CCDC170: variants seen among roughly 807,000 people sequenced by gnomAD.
CCDC170 encodes the protein coiled-coil domain containing 170, also known as coiled-coil domain-containing protein 170.
CCDC170 carries 69 observed loss-of-function variants against 72.6 expected under a neutral mutation model. That is an observed-to-expected ratio of 0.95 (90% CI 0.78 to 1.16). The LOEUF (loss-of-function observed/expected upper bound fraction) is 1.16. Ranked by LOEUF, CCDC170 falls within the 50% of genes most tolerant of loss-of-function variation. The pLI is 0.00. For synonymous variants in CCDC170, 300 were observed against 303.9 expected, an observed-to-expected ratio of 0.99 and a Z score of 0.13; for missense variants, 852 against 832.5, an observed-to-expected ratio of 1.02 and a Z score of -0.29.
At chr6:151,578,616 A>G (rs944501093) in intron 6 of CCDC170, among the ~76,000 whole-genome samples, 7 of 152,232 alleles carry the variant, frequency 4.6e-5, no homozygotes, top group Non-Finnish European at 5.9e-5. Context: ...GGGCTTCAAC[A>G]TATCTTTTTT....
At chr6:151,573,866 G>A (rs189137097) in intron 6 of CCDC170, among the ~76,000 whole-genome samples, 227 of 152,330 alleles carry the variant, frequency 1.5e-3, no homozygotes, top group Non-Finnish European at 2.8e-3. Context: ...ACGACACGTG[G>A]GGATGATGGG....
At chr6:151,593,040 GA>G in intron 7 of CCDC170, 66 bp from the exon 8 acceptor site, 1 of 1,517,058 alleles carries the variant, frequency 6.6e-7, no homozygotes, top group Non-Finnish European at 9.1e-7. Flanking sequence ...AAGAGGAAGA[GA>G]TTCTGTGAGA....
chr6:151,549,256 C>T (rs551503353), intron 5 of CCDC170, among the ~76,000 whole-genome samples: 22 of 151,812 alleles, frequency 1.4e-4, no homozygotes, highest in Non-Finnish European at 2.4e-4. Context: ...AGGCTGGTCT[C>T]GACTCCTGGC....
intron 1 of CCDC170, among the ~76,000 whole-genome samples, chr6:151,524,929 C>CTTTTTTTTTTT (rs34288029): frequency 4.5e-5 from 5 of 110,014 alleles, no homozygotes; most frequent in African/African-American, 1.8e-4. Flanking sequence ...TAGTCTGATT[C>CTTTTTTTTTTT]TTTTTTTTTT....
At chr6:151,512,936 C>G (rs1782169403) in intron 1 of CCDC170, among the ~76,000 whole-genome samples, 1 of 152,150 alleles carries the variant, frequency 6.6e-6, no homozygotes, top group African/African-American at 2.4e-5. Context: ...AGTCATGAAC[C>G]TATGGTACAT....
intron 1 of CCDC170, among the ~76,000 whole-genome samples, chr6:151,527,050 A>AT (rs56941290): frequency 0.19 from 13,476 of 69,704 alleles, 1,589 homozygotes; most frequent in East Asian, 0.43. Context: ...ATGCTTAGCT[A>AT]TTTTTTTTTT....
At chr6:151,526,461 C>T (rs1019086310) in intron 1 of CCDC170, among the ~76,000 whole-genome samples, 1 of 151,636 alleles carries the variant, frequency 6.6e-6, no homozygotes, top group Non-Finnish European at 1.5e-5. Context: ...ACCTAGTGAT[C>T]CGCTTGCCTT....
chr6:151,546,090 A>AT (rs1782768411), intron 4 of CCDC170, among the ~76,000 whole-genome samples: 1 of 152,096 alleles, frequency 6.6e-6, no homozygotes, highest in Admixed American at 6.5e-5. Flanking sequence ...TCATGCAGCC[A>AT]TTTTTGAAAA....
At chr6:151,516,900 C>T (rs908421828) in intron 1 of CCDC170, among the ~76,000 whole-genome samples, 2 of 152,102 alleles carry the variant, frequency 1.3e-5, no homozygotes, top group African/African-American at 4.8e-5. Context: ...CATGCTTTGG[C>T]AAAAAGAGAG....
intron 5 of CCDC170, among the ~76,000 whole-genome samples, chr6:151,548,894 G>C: frequency 1.1e-5 from 1 of 91,532 alleles, no homozygotes; most frequent in East Asian, 3.9e-4. Flanking sequence ...TAGTTTTTTT[G>C]TTTGTTTGTT....
At chr6:151,582,098 A>T (rs1289604381) in intron 6 of CCDC170, among the ~76,000 whole-genome samples, 2 of 152,226 alleles carry the variant, frequency 1.3e-5, no homozygotes, top group African/African-American at 4.8e-5. Context: ...CTAACAAGAG[A>T]GTCAGCCTGT....
chr6:151,525,008 C>T (rs1782381287), intron 1 of CCDC170, among the ~76,000 whole-genome samples: 1 of 146,226 alleles, frequency 6.8e-6, no homozygotes, highest in Admixed American at 7.0e-5. Flanking sequence ...TCTCGGCTCA[C>T]TGCAAACTCC....
At position 151,569,022 on chromosome 6, in the gene CCDC170, T is replaced by A. The variant is rs575373903; in HGVS notation, c.775-4152T>A. On this transcript the variant is annotated intron_variant, in intron 5 of 10. Transcript: ENST00000239374. ...ATGCCAACAATTTATACCAAAATTA[T>A]ACCTGTTCACATTGCCACCAGCAAT... is the stretch of plus-strand genomic sequence containing the variant. Among the ~76,000 whole-genome samples, 26 of 152,376 alleles carry A rather than the reference T, an allele frequency of 1.7e-4. No individual in the cohort carries two copies. The South Asian group carries it at 5.4e-3, about 32-fold the overall frequency.
intron 7 of CCDC170, among the ~76,000 whole-genome samples, chr6:151,587,250 C>A (rs1354090225): frequency 6.6e-6 from 1 of 152,046 alleles, no homozygotes; most frequent in Non-Finnish European, 1.5e-5. Flanking sequence ...TGTCAGTGAT[C>A]TTTGAGAGGC....
At chr6:151,615,749 A>G (rs1352420257) in intron 10 of CCDC170, 70 bp downstream of exon 10, 3 of 1,082,712 alleles carry the variant, frequency 2.8e-6, no homozygotes, top group Non-Finnish European at 4.1e-6. Flanking sequence ...TGATATTAAT[A>G]CTTATTCATG....
rs535393506 is a variant in CCDC170, at chr6:151,588,210, C to A, written c.1293+2121C>A. 2.6e-5 allele frequency among the ~76,000 whole-genome samples: 4 copies of A among 152,234 alleles called. No homozygotes were observed. In the East Asian group the frequency reaches 7.7e-4, roughly 29 times the overall value. On this transcript the variant is annotated intron_variant, in intron 7 of 10. Transcript: ENST00000239374. ...CTCGCTTAGAGGGTAGCAGGGGTGT[C>A]CAACCTTTTGGCTTCCCTGGGCCAC... is the stretch of plus-strand genomic sequence containing the variant.
At chr6:151,524,001 G>T (rs998177926) in intron 1 of CCDC170, among the ~76,000 whole-genome samples, 1 of 152,208 alleles carries the variant, frequency 6.6e-6, no homozygotes, top group Non-Finnish European at 1.5e-5. Context: ...GGGGAGAGGG[G>T]ATCCAGAAGA....
At chr6:151,556,980 G>C (rs575450912) in intron 5 of CCDC170, among the ~76,000 whole-genome samples, 1 of 152,204 alleles carries the variant, frequency 6.6e-6, no homozygotes, top group African/African-American at 2.4e-5. Flanking sequence ...GAGAACATGT[G>C]ATATTTGTCT....
At chr6:151,526,519 C>CT (rs577450833) in intron 1 of CCDC170, among the ~76,000 whole-genome samples, 22,236 of 131,442 alleles carry the variant, frequency 0.17, 4,249 homozygotes, top group African/African-American at 0.47. Context: ...CCCGCCTGGC[C>CT]TTTTTTTTTT....
Sources: gnomAD v4.1 joint callset for allele counts (sites outside exome capture counted in the v4.1 genomes callset) on GRCh38, gnomAD v4.1.1 for gene constraint, MANE v1.5 for transcripts, NCBI Gene and HGNC (gene_info 2026-07-23, HGNC 2026-07-21) for gene names.